CCDC77: variants seen among roughly 807,000 people sequenced by gnomAD.
The protein encoded by CCDC77 is coiled-coil domain containing 77, also known as coiled-coil domain-containing protein 77.
A neutral mutation model predicts 66.8 loss-of-function variants in CCDC77; 56 were observed. The observed-to-expected ratio is 0.84, with a 90% CI of 0.68 to 1.05. The LOEUF is 1.05. Among genes scored for constraint, CCDC77 ranks in the 50% least tolerant of loss-of-function variants. CCDC77 has a pLI of 0.00. For missense variants in CCDC77, 570 were observed against 576.8 expected, an observed-to-expected ratio of 0.99 and a Z score of 0.12; for synonymous variants, 196 against 195.2, an observed-to-expected ratio of 1.00 and a Z score of -0.03.
chr12:418,374 G>A (rs1945325944), intron 4 of CCDC77, 120 bp from the exon 5 acceptor site: 3 of 976,300 alleles, frequency 3.1e-6, no homozygotes, highest in Non-Finnish European at 4.6e-6. Flanking sequence ...TTTGAATTCT[G>A]TATTGGCAAA....
chr12:440,441 G>A (rs1025294689), intron 10 of CCDC77, among the ~76,000 whole-genome samples, 176 bp from the exon 11 acceptor site: 1 of 152,198 alleles, frequency 6.6e-6, no homozygotes, highest in African/African-American at 2.4e-5. Context: ...GGGCTTAAGA[G>A]ACTGGTCTAG....
intron 9 of CCDC77, among the ~76,000 whole-genome samples, chr12:436,115 C>CTTTTT (rs1181059309): frequency 4.7e-5 from 5 of 106,136 alleles, no homozygotes; most frequent in African/African-American, 7.5e-5. Flanking sequence ...GATCCTTTGT[C>CTTTTT]TTTTTTTTTT....
chr12:442,034 C>A lies in CCDC77; in HGVS notation c.*114C>A. On this transcript the variant is annotated 3_prime_UTR_variant, in exon 13 of 13. Transcript: ENST00000239830. Reference sequence around the variant, plus strand: ...CTGAGTTGACTAGAGTGGTGGTATTCATTATTGTAAAGACAGCTTGAAGAA... The same window carrying A: ...CTGAGTTGACTAGAGTGGTGGTATTAATTATTGTAAAGACAGCTTGAAGAA... 9.0e-7 allele frequency: 1 copy of A among 1,111,926 alleles called. No homozygotes were observed. The highest frequency in any genetic ancestry group is 1.3e-6 in the Non-Finnish European group (1 of 761,372). The allele number at this position is 1,111,926 out of a possible 1,614,324, so 68.9% of individuals were successfully genotyped here. A position where few individuals can be genotyped will look rare whatever the true frequency, so the allele number is the denominator to read the frequency against.
chr12:439,076 T>A (rs1945810870), intron 10 of CCDC77, among the ~76,000 whole-genome samples: 1 of 151,980 alleles, frequency 6.6e-6, no homozygotes, highest in South Asian at 2.1e-4. Context: ...AGACTGTGTC[T>A]CAAAACAAAC....
chr12:418,699 A>C, intron 5 of CCDC77, 63 bp downstream of exon 5: 1 of 1,512,816 alleles, frequency 6.6e-7, no homozygotes, highest in South Asian at 1.2e-5. Context: ...TCATTCATTC[A>C]TTCATTCATT....
chr12:425,746 T>TA (rs1468270881), intron 5 of CCDC77, among the ~76,000 whole-genome samples: 1 of 152,204 alleles, frequency 6.6e-6, no homozygotes, highest in African/African-American at 2.4e-5. Flanking sequence ...ACACGTATCT[T>TA]ACCACGTGCA....
At chr12:433,140 G>A in intron 8 of CCDC77, 34 bp from the exon 9 acceptor site, 2 of 1,587,100 alleles carry the variant, frequency 1.3e-6, no homozygotes, top group Non-Finnish European at 1.7e-6. Flanking sequence ...GTGGAAGTAG[G>A]GCTGGATTCC....
In CCDC77 at chr12:416,373, GTGTGTATATATATATATATATATA is replaced by G. The variant is rs1178479893; in HGVS notation, c.271-2119_271-2096del. ...TGTGTGTGTGTGTGTGTGTGTGTGT[GTGTGTATATATATATATATATATA>G]TATATATATATATATATATTTCTTT... On this transcript the variant is annotated intron_variant, in intron 4 of 12. Transcript: ENST00000239830. Among the ~76,000 whole-genome samples, 58 of 25,288 alleles carry G rather than the reference GTGTGTATATATATATATATATATA, an allele frequency of 2.3e-3. 1 individual carries two copies. The highest frequency in any genetic ancestry group is 9.7e-3 in the African/African-American group (58 of 5,996). The allele number at this position is 25,288 out of a possible 152,430, so 16.6% of individuals were successfully genotyped here.
At chr12:434,806 T>C (rs1006353224) in intron 9 of CCDC77, among the ~76,000 whole-genome samples, 5 of 152,250 alleles carry the variant, frequency 3.3e-5, no homozygotes, top group African/African-American at 1.2e-4. Context: ...CTTCTACCTA[T>C]CTAACCCCTT....
At chr12:393,383 G>C (rs542392619) in intron 1 of CCDC77, among the ~76,000 whole-genome samples, 1 of 152,112 alleles carries the variant, frequency 6.6e-6, no homozygotes, top group Non-Finnish European at 1.5e-5. Flanking sequence ...AAAGTGCTGC[G>C]ATTACAGGCA....
Position 442,129 on chromosome 12 carries a change from C to T in CCDC77, c.*209C>T, listed in dbSNP as rs4980907. ...TATCATTTTTGCTGTCCTTTTAACACTTGCGAGGAGTAGGGGCCTGGTCCT... is the reference window on the plus strand; with the variant it reads ...TATCATTTTTGCTGTCCTTTTAACATTTGCGAGGAGTAGGGGCCTGGTCCT... On this transcript the variant is annotated 3_prime_UTR_variant, in exon 13 of 13. Coordinates refer to ENST00000239830, the MANE Select transcript of CCDC77 (RefSeq NM_032358.4). 542,444 of 545,222 alleles carry T rather than the reference C, an allele frequency of 0.99. 269,890 individuals are homozygous for T. The highest frequency in any genetic ancestry group is 1 in the South Asian group (39,531 of 39,536). 33.8% of individuals were successfully genotyped at this position (545,222 alleles called of 1,614,324 possible).
intron 4 of CCDC77, among the ~76,000 whole-genome samples, chr12:414,715 T>A (rs1591970602): frequency 6.6e-6 from 1 of 152,152 alleles, no homozygotes; most frequent in East Asian, 1.9e-4. Context: ...AATGGCATCA[T>A]TGCCTACGGT....
intron 10 of CCDC77, among the ~76,000 whole-genome samples, chr12:439,389 G>A (rs967523286): frequency 2.0e-5 from 3 of 151,844 alleles, no homozygotes; most frequent in African/African-American, 7.3e-5. Context: ...GCGTGGTGGT[G>A]GGCACCTGTA....
rs754850950 is a variant in CCDC77 at position 418,567 on chromosome 12, A to T, written c.344A>T (p.Gln115Leu). 4 of 1,613,812 alleles carry T rather than the reference A, an allele frequency of 2.5e-6. No homozygotes were observed. The highest frequency in any genetic ancestry group is 3.4e-6 in the Non-Finnish European group (4 of 1,179,788). Residue 115 changes from glutamine to leucine, a missense_variant, in exon 5 of 13, where the codon CAG becomes CTG. Physicochemically the swap from Gln to Leu is moderately radical, Grantham distance 113. Coordinates refer to ENST00000239830, the MANE Select transcript of CCDC77 (RefSeq NM_032358.4). ...AELQKALSDM[Q>L]VCLFQEREHV... ...TTGCAGAAAGCTCTAAGTGATATGC[A>T]GGTCTGCCTCTTCCAGGAACGGGAA...
intron 8 of CCDC77, among the ~76,000 whole-genome samples, 186 bp downstream of exon 8, chr12:432,140 A>G (rs1193281318): frequency 6.6e-6 from 1 of 152,204 alleles, no homozygotes; most frequent in Non-Finnish European, 1.5e-5. Context: ...ATCCTTTTCT[A>G]TTTGAACATT....
intron 4 of CCDC77, among the ~76,000 whole-genome samples, chr12:416,371 GTGTGTGTA>G (rs1420142956): frequency 2.2e-4 from 6 of 27,654 alleles, no homozygotes; most frequent in South Asian, 1.2e-3. Flanking sequence ...GTGTGTGTGT[GTGTGTGTA>G]TATATATATA....
Position 425,029 on chromosome 12 carries a change from C to T in CCDC77, c.414-3740C>T, listed in dbSNP as rs1341242689. On this transcript the variant is annotated intron_variant, in intron 5 of 12. Coordinates refer to ENST00000239830, the MANE Select transcript of CCDC77 (RefSeq NM_032358.4). ...CACTGCAACCTCCACCTCCCAGGCT[C>T]AGGTGATCCTCCTGCCTCATCCTTC... 4.0e-5 allele frequency among the ~76,000 whole-genome samples: 6 copies of T among 151,316 alleles called. No homozygotes were observed. The East Asian group carries it at 9.8e-4, about 25-fold the overall frequency.
intron 9 of CCDC77, among the ~76,000 whole-genome samples, chr12:435,002 C>T (rs981946268): frequency 2.0e-5 from 3 of 150,034 alleles, no homozygotes; most frequent in South Asian, 2.1e-4. Context: ...ACATGTATTC[C>T]GTTTCCAAAT....
At chr12:414,045 T>C (rs1246400287) in intron 4 of CCDC77, among the ~76,000 whole-genome samples, 1 of 151,790 alleles carries the variant, frequency 6.6e-6, no homozygotes, top group Non-Finnish European at 1.5e-5. Context: ...TTGCAGTGTC[T>C]GTCACTTTTG....
Sources: allele counts gnomAD v4.1 joint callset (sites outside exome capture counted in the v4.1 genomes callset), GRCh38; gene constraint gnomAD v4.1.1; transcripts MANE v1.5; gene names NCBI Gene and HGNC (gene_info 2026-07-23, HGNC 2026-07-21).